KCNG2: variants seen among roughly 807,000 people sequenced by gnomAD.
The protein encoded by KCNG2 is voltage-gated potassium channel regulatory subunit KCNG2.
Under a neutral mutation model 12.3 loss-of-function variants are expected in KCNG2, and 7 were observed. The observed-to-expected ratio is 0.57, with a 90% CI of 0.32 to 1.07. The LOEUF (loss-of-function observed/expected upper bound fraction) is 1.07, where lower values mean the gene tolerates loss of function less well. Ranked by LOEUF, KCNG2 falls within the 50% of genes least tolerant of loss-of-function variation. The probability of loss-of-function intolerance (pLI) is 0.04; values close to 1 mark genes in which losing one functional copy is unlikely to be tolerated. For missense variants in KCNG2, 703 were observed against 726.0 expected (o/e 0.97, Z 0.36); for synonymous variants, 414 against 351.4 (o/e 1.18, Z -1.99).
intron 1 of KCNG2, among the ~76,000 whole-genome samples, chr18:79,850,559 C>A (rs1219872079): frequency 6.6e-6 from 1 of 152,204 alleles, no homozygotes; most frequent in Admixed American, 6.5e-5. Flanking sequence ...CTCTTCTCTA[C>A]CAGATCTGAT....
intron 1 of KCNG2, among the ~76,000 whole-genome samples, chr18:79,832,290 G>A (rs1454264202): frequency 7.3e-6 from 1 of 136,468 alleles, no homozygotes; most frequent in Non-Finnish European, 1.6e-5. Context: ...GCCCTCACCT[G>A]CCCATCCTCA....
intron 1 of KCNG2, among the ~76,000 whole-genome samples, chr18:79,799,490 G>A (rs2087391051): frequency 6.6e-6 from 1 of 152,200 alleles, no homozygotes; most frequent in Non-Finnish European, 1.5e-5. Flanking sequence ...TGGGGATGAG[G>A]TCACCTTAGA....
At chr18:79,869,328 C>T (rs749151949) in intron 3 of KCNG2, among the ~76,000 whole-genome samples, 42 of 152,250 alleles carry the variant, frequency 2.8e-4, no homozygotes, top group African/African-American at 6.7e-4. Context: ...ACGGCGGGTG[C>T]GGAAGAAATA....
chr18:79,834,117 G>T (rs886269229), intron 1 of KCNG2, among the ~76,000 whole-genome samples: 4 of 152,190 alleles, frequency 2.6e-5, no homozygotes, highest in African/African-American at 9.7e-5. Context: ...GCGTGTCGAG[G>T]TCGGTATCAG....
chr18:79,894,992 C>T (rs1294222930), intron 3 of KCNG2, among the ~76,000 whole-genome samples: 10 of 151,836 alleles, frequency 6.6e-5, no homozygotes, highest in Admixed American at 6.6e-4. Context: ...TTGGGTTGTT[C>T]ACTCCATTCA....
At chr18:79,817,571 C>T (rs1441854655) in intron 1 of KCNG2, among the ~76,000 whole-genome samples, 1 of 152,172 alleles carries the variant, frequency 6.6e-6, no homozygotes, top group Non-Finnish European at 1.5e-5. Flanking sequence ...ATGGTTTGCA[C>T]ACACAGTTCT....
chr18:79,852,906 C>CGGA (rs1978875788), intron 1 of KCNG2, among the ~76,000 whole-genome samples: 1 of 152,276 alleles, frequency 6.6e-6, no homozygotes, highest in Non-Finnish European at 1.5e-5. Flanking sequence ...CAGCCTCCTA[C>CGGA]CTTAGCAGAG....
intron 3 of KCNG2, among the ~76,000 whole-genome samples, chr18:79,894,546 C>T (rs35173068): frequency 0.29 from 40,364 of 141,218 alleles, 1,540 homozygotes; most frequent in Non-Finnish European, 0.36. Flanking sequence ...CCATTCATAA[C>T]GATTGATATA....
intron 1 of KCNG2, among the ~76,000 whole-genome samples, chr18:79,799,928 G>A (rs1004261571): frequency 1.3e-5 from 2 of 152,316 alleles, no homozygotes; most frequent in Admixed American, 6.5e-5. Flanking sequence ...GGAACAGGCC[G>A]GTCAGAAACG....
rs1457606207 is a variant in KCNG2 at position 79,803,647 on chromosome 18, C to T, written c.-115+5633C>T. 6.6e-6 allele frequency among the ~76,000 whole-genome samples: 1 copy of T among 152,152 alleles called. No homozygotes were observed. Among genetic ancestry groups the T allele is most frequent in the East Asian group, 1.9e-4 (1 of 5,174 alleles). Reference sequence around the variant, plus strand: ...GATTCTCACCACTTGTGGTCCAAGGCTTCTGCTGGGCTGACGGAGGAGGCG... The same window carrying T: ...GATTCTCACCACTTGTGGTCCAAGGTTTCTGCTGGGCTGACGGAGGAGGCG... On this transcript the variant is annotated intron_variant, in intron 1 of 3. Coordinates refer to ENST00000316249, the MANE Select transcript of KCNG2 (RefSeq NM_012283.2). This position sits in a 1 kb window ranked among gnomAD's most constrained non-coding sequence, Gnocchi z 4.5.
chr18:79,864,258 C>A lies in KCNG2; in HGVS notation c.591C>A (p.Ser197Arg). The A allele has an allele frequency of 6.5e-7, 1 of 1,547,758 alleles. No homozygotes were observed. The highest frequency in any genetic ancestry group is 8.7e-7 in the Non-Finnish European group (1 of 1,152,482). ...TCACGGCCGTGGGCCTCTGCCTGAG[C>A]ACCATGCCGGACATCCGCGCCGAGG... ...VAVTAVGLCL[S>R]TMPDIRAEEE... Residue 197 changes from serine to arginine, a missense_variant, in exon 3 of 4, where the codon AGC becomes AGA. Physicochemically the swap from Ser to Arg is moderately radical, Grantham distance 110. Coordinates refer to ENST00000316249, the MANE Select transcript of KCNG2 (RefSeq NM_012283.2).
At chr18:79,809,746 A>G (rs1227135247) in intron 1 of KCNG2, among the ~76,000 whole-genome samples, 8 of 152,242 alleles carry the variant, frequency 5.3e-5, no homozygotes, top group Non-Finnish European at 1.2e-4. Context: ...CGCCCACTCA[A>G]GACGTACTTT....
intron 1 of KCNG2, among the ~76,000 whole-genome samples, chr18:79,820,047 G>A (rs1215567403): frequency 1.3e-5 from 2 of 152,372 alleles, no homozygotes; most frequent in East Asian, 1.9e-4. Flanking sequence ...AAGGAGGTGC[G>A]TGTCAGAACC....
At chr18:79,885,653 G>A (rs930409362) in intron 3 of KCNG2, among the ~76,000 whole-genome samples, 8 of 152,242 alleles carry the variant, frequency 5.3e-5, no homozygotes, top group Non-Finnish European at 1.0e-4. Flanking sequence ...TTAGGACAGT[G>A]CCCTGGGGCC....
chr18:79,869,413 T>C (rs1490311801), intron 3 of KCNG2, among the ~76,000 whole-genome samples: 2 of 152,172 alleles, frequency 1.3e-5, no homozygotes, highest in African/African-American at 4.8e-5. Context: ...AACCCGGCTT[T>C]GTCAGTGTGT....
rs774657609 is a variant in KCNG2 at position 79,823,429 on chromosome 18, G to A, written c.-115+25415G>A. The stretch of plus-strand genomic sequence containing the variant: ...TCCTCCCTCCTGAGAGCTGTGCCCC[G>A]TGTCGAGCGCTGTTTGCTCACAGCC... On this transcript the variant is annotated intron_variant, in intron 1 of 3. Coordinates refer to ENST00000316249, the MANE Select transcript of KCNG2 (RefSeq NM_012283.2). Among the ~76,000 whole-genome samples the A allele has an allele frequency of 3.1e-4, 47 of 152,264 alleles. 1 individual carries two copies. Among genetic ancestry groups the A allele is most frequent in the Admixed American group, 1.6e-3 (24 of 15,302 alleles).
intron 3 of KCNG2, among the ~76,000 whole-genome samples, chr18:79,890,552 G>A (rs114942920): frequency 0.011 from 1,679 of 152,272 alleles, 28 homozygotes; most frequent in African/African-American, 0.035. Context: ...TCGCACTTAC[G>A]AGTGAGAACA....
At chr18:79,892,610 G>A (rs1980782633) in intron 3 of KCNG2, among the ~76,000 whole-genome samples, 1 of 151,608 alleles carries the variant, frequency 6.6e-6, no homozygotes, top group Non-Finnish European at 1.5e-5. Flanking sequence ...TTGGGTCTGT[G>A]GCCGCTTTTG....
At chr18:79,832,268 CCTT>C in intron 1 of KCNG2, among the ~76,000 whole-genome samples, 1 of 150,626 alleles carries the variant, frequency 6.6e-6, no homozygotes, top group South Asian at 2.3e-4. Flanking sequence ...CCTCACCTGC[CCTT>C]CTTCACCTGC....
Sources: allele counts gnomAD v4.1 joint callset (sites outside exome capture counted in the v4.1 genomes callset), GRCh38; gene constraint gnomAD v4.1.1; non-coding constraint Gnocchi (gnomAD v3.1); transcripts MANE v1.5; gene names NCBI Gene and HGNC (gene_info 2026-07-23, HGNC 2026-07-21).